The following FOCAD variants were observed in gnomAD, a reference collection of about 807,000 sequenced individuals.
FOCAD encodes the protein KIAA1797.
Under a neutral mutation model 225.6 loss-of-function variants are expected in FOCAD, and 198 were observed. The observed-to-expected ratio is 0.88, with a 90% CI of 0.78 to 0.99. The LOEUF is 0.99. FOCAD is among the 50% of genes least tolerant of loss of function. The pLI is 0.00. For synonymous variants in FOCAD, 897 were observed against 755.0 expected (o/e 1.19, Z -3.08); for missense variants, 2,713 against 2,123.6 (o/e 1.28, Z -5.46).
intron 15 of FOCAD, among the ~76,000 whole-genome samples, chr9:20,840,938 T>G (rs934748075): frequency 6.6e-6 from 1 of 152,004 alleles, no homozygotes; most frequent in African/African-American, 2.4e-5. Context: ...GAAGGGATGT[T>G]AATGTTGAAT....
intron 16 of FOCAD, 94 bp downstream of exon 16, chr9:20,862,806 G>A: frequency 7.2e-7 from 1 of 1,392,708 alleles, no homozygotes; most frequent in Non-Finnish European, 9.7e-7. Flanking sequence ...ATCTGTTGTT[G>A]TTGTTGTTGT....
intron 1 of FOCAD, among the ~76,000 whole-genome samples, chr9:20,685,325 G>T (rs186244279): frequency 3.5e-4 from 53 of 152,128 alleles, no homozygotes; most frequent in African/African-American, 1.2e-3. Context: ...AAGAGGAATG[G>T]GATTAGTATA....
At chr9:20,844,581 A>C (rs889453653) in intron 15 of FOCAD, among the ~76,000 whole-genome samples, 1 of 151,604 alleles carries the variant, frequency 6.6e-6, no homozygotes, top group African/African-American at 2.4e-5. Context: ...GGCTGGTCTC[A>C]AACTCCTGAC....
In FOCAD at chr9:20,990,130, ACTT is replaced by A. The variant is rs754535707; in HGVS notation, c.5019_5021del (p.Phe1673del). On this transcript the variant is annotated inframe_deletion, in exon 42 of 44. Transcript: ENST00000338382. ...TTTCTATTTTCATCGTAGGCTTTGG[ACTT>A]CTTCTTGCTGATATTTGCAACCGCA... The A allele has an allele frequency of 4.3e-6, 7 of 1,613,948 alleles. No individual in the cohort carries two copies. Among genetic ancestry groups the A allele is most frequent in the South Asian group, 2.2e-5 (2 of 91,074 alleles).
At chr9:20,986,636 C>T (rs1841198124) in intron 40 of FOCAD, among the ~76,000 whole-genome samples, 171 bp downstream of exon 40, 1 of 152,100 alleles carries the variant, frequency 6.6e-6, no homozygotes, top group Non-Finnish European at 1.5e-5. Context: ...AGTTATAGCT[C>T]ACAACATCCA....
At chr9:20,806,863 A>G (rs1022343163) in intron 11 of FOCAD, among the ~76,000 whole-genome samples, 10 of 152,246 alleles carry the variant, frequency 6.6e-5, no homozygotes, top group African/African-American at 2.4e-4. Flanking sequence ...TTAGTGTCAT[A>G]GCACCCAGTA....
intron 15 of FOCAD, among the ~76,000 whole-genome samples, chr9:20,843,171 A>G (rs960195114): frequency 6.6e-6 from 1 of 151,968 alleles, no homozygotes; most frequent in African/African-American, 2.4e-5. Context: ...AATGTTCTGT[A>G]TTTGTTTCTG....
chr9:20,978,335 T>G lies in FOCAD; in HGVS notation c.4262-4T>G. On this transcript the variant is annotated splice_region_variant and splice_polypyrimidine_tract_variant and intron_variant, in intron 36 of 43. Coordinates refer to ENST00000338382, the MANE Select transcript of FOCAD (RefSeq NM_001375567.1). Reference sequence around the variant, plus strand: ...TTCAATTCTTTTCCTTTCTTGACTTTCAGGTGAAGAGATCCAGCAACTGTG... The same window carrying G: ...TTCAATTCTTTTCCTTTCTTGACTTGCAGGTGAAGAGATCCAGCAACTGTG... 1 of 1,584,358 alleles carries G rather than the reference T, an allele frequency of 6.3e-7. No individual in the cohort carries two copies. Among genetic ancestry groups the G allele is most frequent in the Non-Finnish European group, 8.6e-7 (1 of 1,160,762 alleles).
intron 9 of FOCAD, among the ~76,000 whole-genome samples, chr9:20,779,791 A>G (rs1819186148): frequency 6.6e-6 from 1 of 151,992 alleles, no homozygotes; most frequent in Admixed American, 6.6e-5. Context: ...CTTATTGTAT[A>G]GCTCATTCTT....
chr9:20,707,257 A>T (rs556365887), intron 1 of FOCAD, among the ~76,000 whole-genome samples: 1 of 152,316 alleles, frequency 6.6e-6, no homozygotes, highest in East Asian at 1.9e-4. Flanking sequence ...TGGCTAAGAT[A>T]AAAGTATTTT....
At chr9:20,948,646 G>A (rs1837408823) in intron 31 of FOCAD, among the ~76,000 whole-genome samples, 1 of 152,080 alleles carries the variant, frequency 6.6e-6, no homozygotes, top group Non-Finnish European at 1.5e-5. Flanking sequence ...AAAAATAAAA[G>A]CAAGAATCCA....
At chr9:20,807,751 A>T (rs1167900017) in intron 11 of FOCAD, among the ~76,000 whole-genome samples, 3 of 152,174 alleles carry the variant, frequency 2.0e-5, no homozygotes, top group African/African-American at 7.2e-5. Context: ...GTAAATATGT[A>T]TTTAGAAGTA....
In FOCAD at chr9:20,986,438, G is replaced by C. The variant is rs745571526; in HGVS notation, c.4879G>C (p.Ala1627Pro). ...GATGATTCTGCACAGCTTATACCAG[G>C]CACGGATTGTGAGCCATGCCAATAC... ...AWMILHSLYQ[A>P]RIVSHANTGV... Residue 1627 changes from alanine (A) to proline (P), a missense_variant, in exon 40 of 44, where the codon GCA (alanine) becomes CCA (proline). By Grantham distance (27) the Ala-to-Pro change is conservative. Coordinates refer to ENST00000338382, the MANE Select transcript of FOCAD (RefSeq NM_001375567.1). The C allele has an allele frequency of 6.2e-7, 1 of 1,611,688 alleles. No homozygotes were observed. Among genetic ancestry groups the C allele is most frequent in the Non-Finnish European group, 8.5e-7 (1 of 1,179,170 alleles).
At position 20,930,675 on chromosome 9, in the gene FOCAD, T is replaced by A. The variant is rs369072417; in HGVS notation, c.3317+1079T>A. On this transcript the variant is annotated intron_variant, in intron 27 of 43. Transcript: ENST00000338382. The stretch of plus-strand genomic sequence containing the variant: ...GGAATACCATATTTCAGATGATCAT[T>A]TTCAGCTCTTAGAAACATCTGTCAG... Among the ~76,000 whole-genome samples, 12 of 152,310 alleles carry A rather than the reference T, an allele frequency of 7.9e-5. No homozygotes were observed. The East Asian group carries it at 1.9e-3, about 24-fold the overall frequency.
chr9:20,748,422 G>A (rs566432730), intron 5 of FOCAD, among the ~76,000 whole-genome samples: 1 of 151,742 alleles, frequency 6.6e-6, no homozygotes, highest in Non-Finnish European at 1.5e-5. Context: ...TTGGGAGGGT[G>A]GTCAGGACCT....
chr9:20,808,799 T>C (rs1347542356), intron 11 of FOCAD, among the ~76,000 whole-genome samples: 1 of 152,216 alleles, frequency 6.6e-6, no homozygotes, highest in African/African-American at 2.4e-5. Context: ...TACTTCCTAC[T>C]CTGCTACCTA....
intron 13 of FOCAD, 36 bp downstream of exon 13, chr9:20,820,461 A>G (rs370676674): frequency 4.5e-5 from 70 of 1,547,806 alleles, no homozygotes; most frequent in Non-Finnish European, 5.8e-5. Flanking sequence ...AGTATTAAAT[A>G]TGTTCCTTTC....
chr9:20,978,032 A>T (rs1016123372), intron 36 of FOCAD, among the ~76,000 whole-genome samples: 3 of 152,192 alleles, frequency 2.0e-5, no homozygotes. Flanking sequence ...AGATCCAGAG[A>T]TTACTAGCTA....
chr9:20,877,668 C>T (rs1337330416), intron 19 of FOCAD, among the ~76,000 whole-genome samples: 1 of 152,144 alleles, frequency 6.6e-6, no homozygotes, highest in Admixed American at 6.6e-5. Context: ...TGATGCACAA[C>T]TGAAGTCTTT....
Sources: allele counts gnomAD v4.1 joint callset (sites outside exome capture counted in the v4.1 genomes callset), GRCh38; gene constraint gnomAD v4.1.1; transcripts MANE v1.5; gene names NCBI Gene and HGNC (gene_info 2026-07-23, HGNC 2026-07-21).